HTR3C: variants seen among roughly 807,000 people sequenced by gnomAD.
The protein encoded by HTR3C is 5-HT3-C.
Under a neutral mutation model 40.5 loss-of-function variants are expected in HTR3C, and 32 were observed. The ratio of observed to expected loss-of-function variants is 0.79; its 90% CI spans 0.60 to 1.06. The LOEUF is 1.06. Among genes scored for constraint, HTR3C ranks in the 50% least tolerant of loss-of-function variants. The probability of loss-of-function intolerance (pLI) is 0.00; values close to 1 mark genes in which losing one functional copy is unlikely to be tolerated. For synonymous variants in HTR3C, 209 were observed against 217.1 expected (o/e 0.96, Z 0.33); for missense variants, 523 against 556.8 (o/e 0.94, Z 0.61).
intron 4 of HTR3C, 91 bp downstream of exon 4, chr3:184,056,377 C>T: frequency 1.2e-6 from 1 of 815,680 alleles, no homozygotes; most frequent in Non-Finnish European, 2.1e-6. Flanking sequence ...CCGAAAGATT[C>T]AGACAGGCAC....
intron 4 of HTR3C, among the ~76,000 whole-genome samples, 171 bp from the exon 5 acceptor site, chr3:184,056,704 C>T (rs538106508): frequency 6.6e-5 from 10 of 152,260 alleles, no homozygotes; most frequent in Non-Finnish European, 1.2e-4. Context: ...GCTGAGATTG[C>T]ACCACTGAAC....
chr3:184,055,281 TA>T, intron 2 of HTR3C, 30 bp from the exon 3 acceptor site: 1 of 1,537,348 alleles, frequency 6.5e-7, no homozygotes, highest in Non-Finnish European at 9.0e-7. Flanking sequence ...CTTTTAACAC[TA>T]ATAATCCTGA....
At chr3:184,053,974 C>T (rs547767040) in intron 1 of HTR3C, among the ~76,000 whole-genome samples, 4 of 152,028 alleles carry the variant, frequency 2.6e-5, no homozygotes, top group South Asian at 2.1e-4. Context: ...AGGATGGTCT[C>T]GATCTCTCGA....
chr3:184,057,092 T>C (rs2108971958), intron 5 of HTR3C, 48 bp downstream of exon 5: 3 of 1,417,742 alleles, frequency 2.1e-6, no homozygotes, highest in South Asian at 1.2e-5. Flanking sequence ...GGGAAGACAT[T>C]TGAGTGGTGT....
chr3:184,059,381 C>G, intron 6 of HTR3C, 55 bp from the exon 7 acceptor site: 1 of 1,510,514 alleles, frequency 6.6e-7, no homozygotes, highest in Non-Finnish European at 9.2e-7. Flanking sequence ...GTCAGATATA[C>G]AAATTGAGCC....
At position 184,059,969 on chromosome 3, in the gene HTR3C, G is replaced by A; in HGVS notation, c.1067G>A (p.Ser356Asn). The change falls in exon 8 of 9, where the codon AGC becomes AAC. Residue 356 changes from serine (S) to asparagine (N), a missense_variant. Ser to Asn is a conservative substitution (Grantham distance 46). Transcript: ENST00000318351. ...CACTCCCTGCTGCTCCACTGCACCA[G>A]CCCAGGGAGATGCTGTCCCACTGCG... ...WLHSLLLHCTSPGRCCPTAPQ... is the reference protein window; with the variant it reads ...WLHSLLLHCTNPGRCCPTAPQ... 6.2e-7 allele frequency: 1 copy of A among 1,613,776 alleles called. No individual in the cohort carries two copies. Among genetic ancestry groups the A allele is most frequent in the Non-Finnish European group, 8.5e-7 (1 of 1,180,002 alleles).
chr3:184,056,852 T>G, intron 4 of HTR3C, 23 bp from the exon 5 acceptor site: 4 of 1,569,936 alleles, frequency 2.5e-6, no homozygotes, highest in Non-Finnish European at 3.5e-6. Context: ...AGCCTCCATC[T>G]CTTCCCTCCC....
chr3:184,057,562 A>G lies in HTR3C; in HGVS notation c.559+518A>G, dbSNP rs140586799. Reference sequence around the variant, plus strand: ...ATCCTGGCTAACACAGTGAAACCTCATATCTACTAAATATACAAAAAATTA... The same window carrying G: ...ATCCTGGCTAACACAGTGAAACCTCGTATCTACTAAATATACAAAAAATTA... On this transcript the variant is annotated intron_variant, in intron 5 of 8. Coordinates refer to ENST00000318351, the MANE Select transcript of HTR3C (RefSeq NM_130770.3). Among the ~76,000 whole-genome samples, 774 of 152,248 alleles carry G rather than the reference A, an allele frequency of 5.1e-3. 6 individuals carry two copies. Among genetic ancestry groups the G allele is most frequent in the African/African-American group, 0.018 (747 of 41,544 alleles).
intron 5 of HTR3C, among the ~76,000 whole-genome samples, chr3:184,057,777 G>T (rs2108972270): frequency 6.6e-6 from 1 of 152,112 alleles, no homozygotes; most frequent in African/African-American, 2.4e-5. Context: ...AAAAACAAAA[G>T]CCTAATAAGC....
Position 184,060,298 on chromosome 3 carries a change from C to T in HTR3C, c.1290C>T (p.Tyr430=), listed in dbSNP as rs143898591. ...HAMDTLLFRL[Y]LLFMASSILT... is the part of the protein sequence containing the mutation. Reference sequence around the variant, plus strand: ...TGGACACCCTGCTCTTCCGCCTCTACCTGCTCTTCATGGCCTCCTCCATCC... The same window carrying T: ...TGGACACCCTGCTCTTCCGCCTCTATCTGCTCTTCATGGCCTCCTCCATCC... Residue 430 remains tyrosine, a synonymous_variant, in exon 9 of 9, where the codon TAC becomes TAT. Coordinates refer to ENST00000318351, the MANE Select transcript of HTR3C (RefSeq NM_130770.3). 68 of 1,614,060 alleles carry T rather than the reference C, an allele frequency of 4.2e-5. No homozygotes were observed. Among genetic ancestry groups the T allele is most frequent in the Non-Finnish European group, 5.2e-5 (61 of 1,180,022 alleles).
At chr3:184,055,849 T>A (rs1723311716) in intron 3 of HTR3C, among the ~76,000 whole-genome samples, 1 of 112,786 alleles carries the variant, frequency 8.9e-6, no homozygotes, top group African/African-American at 3.5e-5. Flanking sequence ...GACCCAAACC[T>A]CCCTGGGAAT....
chr3:184,058,686 C>A, intron 6 of HTR3C, 99 bp downstream of exon 6: 3 of 1,344,256 alleles, frequency 2.2e-6, no homozygotes, highest in Non-Finnish European at 3.1e-6. Context: ...AGCTCCAGGC[C>A]GGGTGCAGTG....
intron 1 of HTR3C, among the ~76,000 whole-genome samples, chr3:184,053,858 G>A (rs924223196): frequency 1.3e-5 from 2 of 152,200 alleles, no homozygotes; most frequent in Non-Finnish European, 2.9e-5. Context: ...GGGTTTGAGC[G>A]ATTCTCCTGC....
At position 184,059,603 on chromosome 3, in the gene HTR3C, G is replaced by A; in HGVS notation, c.888G>A (p.Met296Ile). 1.2e-6 allele frequency: 2 copies of A among 1,614,108 alleles called. No individual in the cohort carries two copies. The highest frequency in any genetic ancestry group is 1.7e-6 in the Non-Finnish European group (2 of 1,180,028). ...LLGYNVFLLM[M>I]NDLLPASGTP... ...GCTACAACGTCTTCCTGCTCATGATGAATGACTTGCTCCCTGCCAGTGGCA... is the reference window on the plus strand; with the variant it reads ...GCTACAACGTCTTCCTGCTCATGATAAATGACTTGCTCCCTGCCAGTGGCA... The change falls in exon 7 of 9, where the codon ATG (methionine) becomes ATA (isoleucine). Residue 296 changes from methionine to isoleucine, a missense_variant. Coordinates refer to ENST00000318351, the MANE Select transcript of HTR3C (RefSeq NM_130770.3).
In HTR3C at chr3:184,060,037, CT is replaced by C; in HGVS notation, c.1136del (p.Leu379ArgfsTer10). On this transcript the variant is annotated frameshift_variant, in exon 8 of 9. Coordinates refer to ENST00000318351, the MANE Select transcript of HTR3C (RefSeq NM_130770.3). LOFTEE classifies it low-confidence loss of function (END_TRUNC). ...GGGCCTGGGTCTCACCCTCACCCAC[CT>C]GCCTGGTGAGGGAAGCCAGCACTGT... ...NKGLGLTLTH[L>X]PGPKEPGELA... 1 of 1,613,320 alleles carries C rather than the reference CT, an allele frequency of 6.2e-7. No individual in the cohort carries two copies. Among genetic ancestry groups the C allele is most frequent in the East Asian group, 2.2e-5 (1 of 44,832 alleles).
intron 5 of HTR3C, 87 bp from the exon 6 acceptor site, chr3:184,058,340 T>G: frequency 7.3e-7 from 1 of 1,374,898 alleles, no homozygotes; most frequent in Non-Finnish European, 9.6e-7. Flanking sequence ...AAAATTTGGT[T>G]TAGAAGCTCA....
At chr3:184,056,075 G>A in intron 3 of HTR3C, 102 bp from the exon 4 acceptor site, 1 of 731,850 alleles carries the variant, frequency 1.4e-6, no homozygotes, top group Non-Finnish European at 2.4e-6. Flanking sequence ...GTCACAAATG[G>A]GAGTGGGAGG....
Position 184,059,482 on chromosome 3 carries a change from T to A in HTR3C, c.767T>A (p.Val256Glu), listed in dbSNP as rs1723397124. The A allele has an allele frequency of 6.2e-7, 1 of 1,614,210 alleles. No homozygotes were observed. The highest frequency in any genetic ancestry group is 1.7e-5 in the Admixed American group (1 of 60,018). The change falls in exon 7 of 9, where the codon GTG (valine) becomes GAG (glutamate). Residue 256 changes from valine to glutamate, a missense_variant. Transcript: ENST00000318351. Reference protein sequence around the residue: ...RPSLYIINLLVPSSFLVAIDA... With the variant: ...RPSLYIINLLEPSSFLVAIDA... ...AGCCTCTACATCATAAACCTGCTGG[T>A]GCCCAGTAGCTTTCTGGTTGCCATT...
Position 184,060,407 on chromosome 3 carries a change from G to A in HTR3C, c.*55G>A. On this transcript the variant is annotated 3_prime_UTR_variant, in exon 9 of 9. Coordinates refer to ENST00000318351, the MANE Select transcript of HTR3C (RefSeq NM_130770.3). ...AGCTTGGAGTTTCTGCTGGTCTTGG[G>A]CCAGCCGGACTCATTTTCCTAATCT... The A allele has an allele frequency of 6.2e-7, 1 of 1,606,662 alleles. No homozygotes were observed.
Sources: gnomAD v4.1 joint callset for allele counts (sites outside exome capture counted in the v4.1 genomes callset) on GRCh38, gnomAD v4.1.1 for gene constraint, MANE v1.5 for transcripts, NCBI Gene and HGNC (gene_info 2026-07-23, HGNC 2026-07-21) for gene names.